Variants in KLF17 observed in about 807,000 individuals in gnomAD.
KLF17 encodes the protein KLF transcription factor 17, also known as Krueppel-like factor 17.
A neutral mutation model predicts 34.2 loss-of-function variants in KLF17; 31 were observed. That is an observed-to-expected ratio of 0.91 (90% CI 0.68 to 1.22). The LOEUF (loss-of-function observed/expected upper bound fraction) is 1.22. KLF17 is among the 50% of genes most tolerant of loss of function. The pLI is 0.00. For missense variants in KLF17, 478 were observed against 505.2 expected (o/e 0.95, Z 0.52); for synonymous variants, 179 against 186.7 (o/e 0.96, Z 0.34).
At chr1:44,074,170 C>T in the KLF17 span, among the ~76,000 whole-genome samples, 1 of 152,130 alleles carries the variant, frequency 6.6e-6, no homozygotes, top group Non-Finnish European at 1.5e-5. Context: ...AACATTCAGG[C>T]CCATTTCTGC....
At chr1:44,092,861 C>CA in the KLF17 span, among the ~76,000 whole-genome samples, 37 of 150,376 alleles carry the variant, frequency 2.5e-4, no homozygotes, top group Admixed American at 7.3e-4. Context: ...AAAAATTTAT[C>CA]AAAAAAAACC....
At chr1:44,059,079 G>A in the KLF17 span, among the ~76,000 whole-genome samples, 1 of 152,078 alleles carries the variant, frequency 6.6e-6, no homozygotes, top group African/African-American at 2.4e-5. Flanking sequence ...AACTAGTTTG[G>A]TACCCCTGTC....
chr1:44,127,668 TTCTTTCTTTCTTTCTTTCTTTCTTTTTC>T (rs1557731894), intron 1 of KLF17, among the ~76,000 whole-genome samples: 35 of 51,724 alleles, frequency 6.8e-4, no homozygotes, highest in Admixed American at 2.0e-3. Flanking sequence ...CTTTCTTTCT[TTCTTTCTTTCTTTCTTTCTTTCTTTTTC>T]TTTCTTTCTT....
intron 1 of KLF17, among the ~76,000 whole-genome samples, chr1:44,120,635 T>C (rs1343529111): frequency 6.6e-6 from 1 of 152,146 alleles, no homozygotes; most frequent in African/African-American, 2.4e-5. Flanking sequence ...GGGAGACTCA[T>C]AAGGCAAAGT....
At position 44,129,988 on chromosome 1, in the gene KLF17, T is replaced by C. The variant is rs2088086211; in HGVS notation, c.717T>C (p.Leu239=). 1.1e-5 allele frequency: 17 copies of C among 1,614,168 alleles called. No individual in the cohort carries two copies. The highest frequency in any genetic ancestry group is 1.6e-4 in the Middle Eastern group (1 of 6,062). Residue 239 remains leucine (L), a synonymous_variant, in exon 2 of 4, where the codon CTT becomes CTC. Coordinates refer to ENST00000372299, the MANE Select transcript of KLF17 (RefSeq NM_173484.4). ...SLLVLGSQDS[L]VSQPDSQEGP... is the part of the protein sequence containing the mutation. ...TGGTTTTAGGATCTCAGGACTCTCT[T>C]GTCAGTCAGCCAGACTCTCAAGAAG... is the stretch of plus-strand genomic sequence containing the variant.
At chr1:44,091,164 TC>T in the KLF17 span, among the ~76,000 whole-genome samples, 1 of 152,166 alleles carries the variant, frequency 6.6e-6, no homozygotes, top group South Asian at 2.1e-4. Context: ...ATAAACCAAT[TC>T]CATATTAACA....
At chr1:44,083,861 G>C in the KLF17 span, among the ~76,000 whole-genome samples, 1 of 151,732 alleles carries the variant, frequency 6.6e-6, no homozygotes, top group Non-Finnish European at 1.5e-5. Context: ...TTCTCAAGCT[G>C]AGAAGCCTGG....
At chr1:44,122,189 A>G in intron 1 of KLF17, 3 of 1,598,114 alleles carry the variant, frequency 1.9e-6, no homozygotes, top group East Asian at 2.2e-5. Flanking sequence ...TGCCACGGCC[A>G]CGTCCTCTTC....
rs2088152915 is a variant in KLF17, at chr1:44,135,066, CTTAGGATAACT to C, written c.*1831_*1841del. 2 of 151,688 alleles carry C rather than the reference CTTAGGATAACT, an allele frequency of 1.3e-5. No individual in the cohort carries two copies. The highest frequency in any genetic ancestry group is 4.2e-4 in the South Asian group (2 of 4,798). 9.4% of individuals were successfully genotyped at this position (151,688 alleles called of 1,614,324 possible). The stretch of plus-strand genomic sequence containing the variant: ...AAAATAATAAAAAATAATAAAAATC[CTTAGGATAACT>C]TGAGGCCAGGAGTTTGAGACCAGTG... On this transcript the variant is annotated 3_prime_UTR_variant, in exon 4 of 4. Transcript: ENST00000372299.
intron 1 of KLF17, among the ~76,000 whole-genome samples, chr1:44,126,625 C>T (rs1359523814): frequency 6.6e-6 from 1 of 152,058 alleles, no homozygotes; most frequent in Non-Finnish European, 1.5e-5. Flanking sequence ...TCCTTTTGAC[C>T]CAGTCCTAAT....
chr1:44,055,316 G>A, the KLF17 span, among the ~76,000 whole-genome samples: 7 of 152,156 alleles, frequency 4.6e-5, no homozygotes, highest in Non-Finnish European at 7.3e-5. Context: ...CTACTCAGTT[G>A]TAACCCATTT....
chr1:44,127,684 TTC>T (rs1338338113), intron 1 of KLF17, among the ~76,000 whole-genome samples: 3,170 of 32,794 alleles, frequency 0.097, 37 homozygotes, highest in Non-Finnish European at 0.15. Flanking sequence ...CTTTCTTTCT[TTC>T]TTTCTTTTTC....
chr1:44,113,371 A>G, the KLF17 span, among the ~76,000 whole-genome samples: 1 of 152,238 alleles, frequency 6.6e-6, no homozygotes, highest in Admixed American at 6.5e-5. Context: ...GCAGAAAAAG[A>G]AGATTCTTTT....
chr1:44,081,221 G>A, the KLF17 span, among the ~76,000 whole-genome samples: 17 of 117,800 alleles, frequency 1.4e-4, 1 homozygote, highest in Admixed American at 1.3e-3. Flanking sequence ...ACAAGATCCT[G>A]TAAAAAAAAA....
the KLF17 span, among the ~76,000 whole-genome samples, chr1:44,109,921 CG>C: frequency 5.6e-5 from 2 of 35,948 alleles, no homozygotes; most frequent in East Asian, 5.9e-4. Context: ...TTTTTTTTTG[CG>C]GGGGGGACAG....
At chr1:44,078,415 G>A in the KLF17 span, among the ~76,000 whole-genome samples, 3 of 150,874 alleles carry the variant, frequency 2.0e-5, no homozygotes, top group Non-Finnish European at 4.4e-5. Context: ...TCCTCTTCCC[G>A]GTTCTGGGGC....
chr1:44,049,773 G>A, the KLF17 span, among the ~76,000 whole-genome samples: 77,238 of 151,972 alleles, frequency 0.51, 21,290 homozygotes, highest in East Asian at 0.72. Flanking sequence ...GTGAGCCGCC[G>A]TACCCGGCCT....
upstream of KLF17, chr1:44,115,109 A>G (rs1226431500): frequency 1.3e-5 from 2 of 152,270 alleles, no homozygotes; most frequent in African/African-American, 4.8e-5. Context: ...ACTTTTTTCA[A>G]TTCTGTCATT....
chr1:44,047,026 C>CAAAAAAAAAAAAAAAAAAAAAAAAAA, the KLF17 span, among the ~76,000 whole-genome samples: 1 of 83,522 alleles, frequency 1.2e-5, no homozygotes, highest in Non-Finnish European at 2.3e-5. Flanking sequence ...GACTCAGTCT[C>CAAAAAAAAAAAAAAAAAAAAAAAAAA]AAAAAAAAAA....
Sources: allele counts gnomAD v4.1 joint callset (sites outside exome capture counted in the v4.1 genomes callset), GRCh38; gene constraint gnomAD v4.1.1; transcripts MANE v1.5; gene names NCBI Gene and HGNC (gene_info 2026-07-23, HGNC 2026-07-21).